Variants in FAM72C observed in about 807,000 individuals in gnomAD.
The protein encoded by FAM72C is RUMY family member 3.
In FAM72C, 1 loss-of-function variant was observed where a neutral mutation model predicts 5.2. The observed-to-expected ratio is 0.19, with a 90% CI of 0.07 to 0.91. The LOEUF is 0.91. FAM72C is among the 40% of genes least tolerant of loss of function. The pLI, the probability that FAM72C is intolerant of heterozygous loss-of-function variation, is 0.66. For missense variants in FAM72C, 4 were observed against 66.0 expected (o/e 0.06, Z 3.25); for synonymous variants, 1 against 21.8 (o/e 0.05, Z 2.66).
chr1:143,959,929 A>G (rs1661554731), intron 3 of FAM72C, among the ~76,000 whole-genome samples: 1 of 137,922 alleles, frequency 7.3e-6, no homozygotes, highest in Non-Finnish European at 1.6e-5. Flanking sequence ...GTGAGCCAAG[A>G]TTGTGCCACT....
chr1:143,966,974 G>T (rs1341038771), intron 2 of FAM72C, among the ~76,000 whole-genome samples: 1 of 144,534 alleles, frequency 6.9e-6, no homozygotes, highest in East Asian at 2.1e-4. Context: ...GTTGCAGTGA[G>T]CCAAGATCAT....
At chr1:143,966,019 G>A (rs1376481551) in intron 2 of FAM72C, among the ~76,000 whole-genome samples, 1 of 92,478 alleles carries the variant, frequency 1.1e-5, no homozygotes, top group East Asian at 3.2e-4. Context: ...ACCTTGAGTT[G>A]TAAAAATTCT....
intron 2 of FAM72C, among the ~76,000 whole-genome samples, chr1:143,967,154 C>T (rs1390626899): frequency 6.2e-5 from 9 of 145,036 alleles, no homozygotes; most frequent in Non-Finnish European, 1.2e-4. Flanking sequence ...GCTAACATGG[C>T]GAAATCCCGT....
chr1:143,966,888 C>T (rs1342326404), intron 2 of FAM72C, among the ~76,000 whole-genome samples: 1 of 139,890 alleles, frequency 7.1e-6, no homozygotes, highest in East Asian at 2.1e-4. Flanking sequence ...ATTAACTGGG[C>T]ATGGTGGCAC....
chr1:143,966,671 TG>T lies in FAM72C; in HGVS notation c.231-1693del, dbSNP rs1306901567. On this transcript the variant is annotated intron_variant, in intron 2 of 3. Transcript: ENST00000584486. ...TTGGTTACATGTTGAAATAATATTT[TG>T]GATACATTGGGTTAGACAAAATATA... Among the ~76,000 whole-genome samples the T allele has an allele frequency of 2.0e-3, 283 of 138,970 alleles. 20 individuals are homozygous for T. The highest frequency in any genetic ancestry group is 3.8e-3 in the Admixed American group (53 of 13,872). The allele number at this position is 138,970 out of a possible 152,430, so 91.2% of individuals were successfully genotyped here. A position where few individuals can be genotyped will look rare whatever the true frequency, so the allele number is the denominator to read the frequency against.
chr1:143,966,779 G>A (rs1411682540), intron 2 of FAM72C, among the ~76,000 whole-genome samples: 2 of 142,856 alleles, frequency 1.4e-5, no homozygotes, highest in Non-Finnish European at 3.1e-5. Context: ...TGTAATCCCA[G>A]CACTTTGGGA....
At chr1:143,960,771 C>A (rs1553517799) in intron 3 of FAM72C, among the ~76,000 whole-genome samples, 2 of 132,326 alleles carry the variant, frequency 1.5e-5, no homozygotes, top group African/African-American at 5.7e-5. Flanking sequence ...AGCACCTTAA[C>A]ACAAGGAAAA....
At chr1:143,961,069 A>G (rs1348558611) in intron 3 of FAM72C, among the ~76,000 whole-genome samples, 2 of 133,534 alleles carry the variant, frequency 1.5e-5, no homozygotes, top group Non-Finnish European at 3.3e-5. Context: ...TAGTATAGGC[A>G]TACCTCAATT....
At chr1:143,962,277 C>T (rs1370143334) in intron 3 of FAM72C, among the ~76,000 whole-genome samples, 2 of 144,076 alleles carry the variant, frequency 1.4e-5, no homozygotes, top group Admixed American at 1.4e-4. Context: ...GCCTCCCAAA[C>T]TGCTGGGATT....
chr1:143,960,928 G>C (rs1661607382), intron 3 of FAM72C, among the ~76,000 whole-genome samples: 1 of 131,702 alleles, frequency 7.6e-6, no homozygotes, highest in Admixed American at 7.7e-5. Flanking sequence ...CCACCTCCTA[G>C]GTTCAAGGGG....
intron 2 of FAM72C, among the ~76,000 whole-genome samples, chr1:143,965,185 C>T (rs1345461225): frequency 3.7e-4 from 34 of 92,208 alleles, no homozygotes; most frequent in Non-Finnish European, 5.5e-4. Context: ...AATATTCTCA[C>T]ATTTCTTTGC....
At chr1:143,959,112 C>A (rs1661524373) in intron 3 of FAM72C, among the ~76,000 whole-genome samples, 1 of 138,014 alleles carries the variant, frequency 7.2e-6, no homozygotes, top group Non-Finnish European at 1.5e-5. Context: ...AGAAGCAGCA[C>A]CTTCCTTTCT....
chr1:143,961,964 C>A (rs1198071953), intron 3 of FAM72C, among the ~76,000 whole-genome samples: 2 of 146,628 alleles, frequency 1.4e-5, no homozygotes, highest in Non-Finnish European at 3.0e-5. Context: ...GAAGATCTAG[C>A]TAAGATTATG....
chr1:143,960,423 A>T lies in FAM72C; in HGVS notation c.356-3942T>A, dbSNP rs2101690514. On this transcript the variant is annotated intron_variant, in intron 3 of 3. Transcript: ENST00000584486. ...CATCTCAAAAAAAAAAAAAAAAAAA[A>T]AAAGGTACTTCAGGCCAGGCATGGT... is the stretch of plus-strand genomic sequence containing the variant. Among the ~76,000 whole-genome samples, 2 of 115,370 alleles carry T rather than the reference A, an allele frequency of 1.7e-5. 1 individual carries two copies. Among genetic ancestry groups the T allele is most frequent in the South Asian group, 5.8e-4 (2 of 3,450 alleles). The allele number at this position is 115,370 out of a possible 152,430, so 75.7% of individuals were successfully genotyped here. A position where few individuals can be genotyped will look rare whatever the true frequency, so the allele number is the denominator to read the frequency against.
In FAM72C at chr1:143,964,963, A is replaced by T; in HGVS notation, c.247T>A (p.Tyr83Asn). ...GAACTACATGGAACAATCACATGAT[A>T]AACTACAATGTTCCCACTAGAAAAG... ...ACLKCGNIVV[Y>N]HVIVPCSSCL... is the part of the protein sequence containing the mutation. Residue 83 changes from tyrosine to asparagine, a missense_variant, in exon 3 of 4, where the codon TAT becomes AAT. Coordinates refer to ENST00000584486, the MANE Select transcript of FAM72C (RefSeq NM_001287385.2). The T allele has an allele frequency of 3.8e-6, 6 of 1,568,788 alleles. No individual in the cohort carries two copies. The South Asian group carries it at 6.8e-5, about 18-fold the overall frequency.
In FAM72C at chr1:143,961,107, T is replaced by TATATA. The variant is rs1358218565; in HGVS notation, c.355+3747_355+3748insTATAT. 7.3e-5 allele frequency among the ~76,000 whole-genome samples: 10 copies of TATATA among 137,092 alleles called. No homozygotes were observed. The Admixed American group carries it at 7.3e-4, about 10-fold the overall frequency. 89.9% of individuals were successfully genotyped at this position (137,092 alleles called of 152,430 possible). A position where few individuals can be genotyped will look rare whatever the true frequency, so the allele number is the denominator to read the frequency against. ...GCTTTAGTTTATTGTACACCATAGA[T>TATATA]ACTGGGCTTTATATAAATGGAAGGT... On this transcript the variant is annotated intron_variant, in intron 3 of 3. Transcript: ENST00000584486.
chr1:143,965,865 A>C (rs1471129614), intron 2 of FAM72C, among the ~76,000 whole-genome samples: 1 of 122,036 alleles, frequency 8.2e-6, no homozygotes, highest in African/African-American at 2.9e-5. Context: ...AGTTTTCAGA[A>C]TTATCCAGCT....
intron 3 of FAM72C, among the ~76,000 whole-genome samples, chr1:143,959,109 G>T (rs1166623457): frequency 4.3e-5 from 6 of 138,272 alleles, no homozygotes; most frequent in Non-Finnish European, 7.7e-5. Context: ...GACAGAAGCA[G>T]CACCTTCCTT....
At chr1:143,961,251 C>G in intron 3 of FAM72C, among the ~76,000 whole-genome samples, 1 of 131,564 alleles carries the variant, frequency 7.6e-6, no homozygotes, top group Non-Finnish European at 1.6e-5. Context: ...TTATGGTGAT[C>G]TGTGATCTTT....
Sources: allele counts gnomAD v4.1 joint callset (sites outside exome capture counted in the v4.1 genomes callset), GRCh38; gene constraint gnomAD v4.1.1; transcripts MANE v1.5; gene names NCBI Gene and HGNC (gene_info 2026-07-23, HGNC 2026-07-21).